Variants in PRPSAP2 observed in about 807,000 individuals in gnomAD.
PRPSAP2 encodes phosphoribosyl pyrophosphate synthase-associated protein 2.
In PRPSAP2, 24 loss-of-function variants were observed where a neutral mutation model predicts 40.6. The observed-to-expected ratio is 0.59, with a 90% CI of 0.43 to 0.83. The LOEUF is 0.83. Ranked by LOEUF, PRPSAP2 falls within the 40% of genes least tolerant of loss-of-function variation. The probability of loss-of-function intolerance (pLI) is 0.00; values close to 1 mark genes in which losing one functional copy is unlikely to be tolerated. For missense variants in PRPSAP2, 292 were observed against 465.6 expected, an observed-to-expected ratio of 0.63 and a Z score of 3.43; for synonymous variants, 149 against 164.7, an observed-to-expected ratio of 0.90 and a Z score of 0.73.
chr17:18,871,083 G>T (rs921587204), intron 4 of PRPSAP2, among the ~76,000 whole-genome samples: 6 of 151,726 alleles, frequency 4.0e-5, no homozygotes, highest in Non-Finnish European at 5.9e-5. Flanking sequence ...GCAGTGGTGC[G>T]ATCTTGGCTT....
intron 9 of PRPSAP2, among the ~76,000 whole-genome samples, chr17:18,920,762 A>G (rs952472795): frequency 6.6e-6 from 1 of 152,204 alleles, no homozygotes. Context: ...ACTATATATA[A>G]TATTTGAAAA....
chr17:18,889,176 T>C (rs2039378489), intron 7 of PRPSAP2, among the ~76,000 whole-genome samples: 1 of 152,246 alleles, frequency 6.6e-6, no homozygotes, highest in Non-Finnish European at 1.5e-5. Flanking sequence ...CGGAGGCAAC[T>C]GTACTAAATT....
intron 9 of PRPSAP2, among the ~76,000 whole-genome samples, chr17:18,914,730 T>G (rs545230112): frequency 1.4e-5 from 1 of 69,628 alleles, no homozygotes; most frequent in Non-Finnish European, 3.7e-5. Flanking sequence ...TTCACTGCCC[T>G]TTTTTTTTTT....
chr17:18,906,074 C>A (rs1416246593), intron 8 of PRPSAP2, among the ~76,000 whole-genome samples: 1 of 152,170 alleles, frequency 6.6e-6, no homozygotes, highest in African/African-American at 2.4e-5. Context: ...ATATATTTTA[C>A]TGACTTCACT....
chr17:18,862,899 C>T (rs2151876305), intron 1 of PRPSAP2, among the ~76,000 whole-genome samples: 1 of 151,814 alleles, frequency 6.6e-6, no homozygotes, highest in East Asian at 1.9e-4. Flanking sequence ...CAGCTCACTG[C>T]CCACTTCGCC....
At position 18,930,952 on chromosome 17, in the gene PRPSAP2, T is replaced by A; in HGVS notation, c.*254T>A. 3.7e-6 allele frequency: 1 copy of A among 268,766 alleles called. No individual in the cohort carries two copies. Among genetic ancestry groups the A allele is most frequent in the Non-Finnish European group, 7.0e-6 (1 of 143,834 alleles). 16.6% of individuals were successfully genotyped at this position (268,766 alleles called of 1,614,324 possible). On this transcript the variant is annotated 3_prime_UTR_variant, in exon 12 of 12. Coordinates refer to ENST00000268835, the MANE Select transcript of PRPSAP2 (RefSeq NM_002767.4). ...TAAGACCTCGTTTTAGTTGTAACTG[T>A]TTAAAAAATAACACTTGGAATAAGA...
chr17:18,884,403 A>G (rs146252644), intron 7 of PRPSAP2, among the ~76,000 whole-genome samples: 254 of 152,200 alleles, frequency 1.7e-3, no homozygotes, highest in African/African-American at 6.0e-3. Context: ...CTGTAGTGCC[A>G]TGATAGCTCA....
chr17:18,885,552 C>T (rs1030470787), intron 7 of PRPSAP2, among the ~76,000 whole-genome samples: 2 of 151,690 alleles, frequency 1.3e-5, no homozygotes, highest in African/African-American at 4.8e-5. Flanking sequence ...CAGCCTCCGC[C>T]TCCTGGGTTC....
intron 6 of PRPSAP2, among the ~76,000 whole-genome samples, chr17:18,878,341 CT>C (rs746001877): frequency 6.6e-6 from 1 of 152,064 alleles, no homozygotes; most frequent in Non-Finnish European, 1.5e-5. Context: ...AGTGATCCCC[CT>C]GAGTAGTTGG....
intron 6 of PRPSAP2, among the ~76,000 whole-genome samples, chr17:18,880,895 A>T (rs2038681231): frequency 1.3e-5 from 2 of 151,862 alleles, no homozygotes; most frequent in Admixed American, 1.3e-4. Context: ...GTGCAGTGGC[A>T]TGATCTCAGC....
intron 10 of PRPSAP2, among the ~76,000 whole-genome samples, chr17:18,926,804 T>TGTGTG (rs2042006048): frequency 3.2e-5 from 4 of 126,548 alleles, no homozygotes; most frequent in African/African-American, 1.3e-4. Flanking sequence ...GTGTGTGTGT[T>TGTGTG]TGTGTTTGTG....
At chr17:18,883,291 A>G (rs930783637) in intron 7 of PRPSAP2, among the ~76,000 whole-genome samples, 2 of 151,718 alleles carry the variant, frequency 1.3e-5, no homozygotes, top group African/African-American at 4.8e-5. Context: ...ATATAGCTAC[A>G]TTTGTTTTTC....
At chr17:18,918,019 T>C (rs2041467262) in intron 9 of PRPSAP2, among the ~76,000 whole-genome samples, 2 of 152,064 alleles carry the variant, frequency 1.3e-5, no homozygotes, top group Admixed American at 1.3e-4. Flanking sequence ...AGAGGTATAT[T>C]CTGGACTGTT....
At chr17:18,913,109 G>A (rs1323291231) in intron 9 of PRPSAP2, among the ~76,000 whole-genome samples, 2 of 152,168 alleles carry the variant, frequency 1.3e-5, no homozygotes, top group African/African-American at 4.8e-5. Flanking sequence ...TACCAGTCTT[G>A]GGTCTTGGGG....
Position 18,928,849 on chromosome 17 carries a change from A to G in PRPSAP2, c.843A>G (p.Ala281=). 6.2e-7 allele frequency: 1 copy of G among 1,614,098 alleles called. No homozygotes were observed. The highest frequency in any genetic ancestry group is 8.5e-7 in the Non-Finnish European group (1 of 1,179,990). The stretch of plus-strand genomic sequence containing the variant: ...ATGATGTTGACAGCTTTCTTGCTGC[A>G]GCAGAGACCCTGAAGGAAAGAGGTG... The part of the protein sequence containing the change: ...IIDDVDSFLA[A]AETLKERGAY... Residue 281 remains alanine (A), a synonymous_variant, in exon 11 of 12, where the codon GCA becomes GCG. Coordinates refer to ENST00000268835, the MANE Select transcript of PRPSAP2 (RefSeq NM_002767.4).
chr17:18,926,229 CCA>C (rs1446083128), intron 10 of PRPSAP2, among the ~76,000 whole-genome samples: 1 of 147,212 alleles, frequency 6.8e-6, no homozygotes, highest in East Asian at 1.9e-4. Flanking sequence ...CGTTCTAGTG[CCA>C]CTGCATTATT....
intron 8 of PRPSAP2, among the ~76,000 whole-genome samples, chr17:18,899,130 C>G (rs2040105633): frequency 6.6e-6 from 1 of 152,134 alleles, no homozygotes; most frequent in South Asian, 2.1e-4. Context: ...TCTTGAACTT[C>G]CGACCTCAGG....
At chr17:18,863,969 A>G (rs2037244151) in intron 1 of PRPSAP2, among the ~76,000 whole-genome samples, 1 of 150,254 alleles carries the variant, frequency 6.7e-6, no homozygotes, top group Non-Finnish European at 1.5e-5. Context: ...CCTCATGAGT[A>G]GCTGGGATTA....
At chr17:18,883,603 GAT>G (rs1487562355) in intron 7 of PRPSAP2, among the ~76,000 whole-genome samples, 3 of 151,974 alleles carry the variant, frequency 2.0e-5, no homozygotes, top group African/African-American at 7.2e-5. Flanking sequence ...TGGCCAGGCT[GAT>G]CTCGAACGCT....
Sources: allele counts gnomAD v4.1 joint callset (sites outside exome capture counted in the v4.1 genomes callset), GRCh38; gene constraint gnomAD v4.1.1; transcripts MANE v1.5; gene names NCBI Gene and HGNC (gene_info 2026-07-23, HGNC 2026-07-21).